The following MRPL2 variants were observed in gnomAD, a reference collection of about 807,000 sequenced individuals.
The protein encoded by MRPL2 is mitochondrial ribosomal protein L2.
MRPL2 carries 27 observed loss-of-function variants against 34.6 expected under a neutral mutation model. The observed-to-expected ratio is 0.78, with a 90% confidence interval of 0.58 to 1.08. The LOEUF (loss-of-function observed/expected upper bound fraction) is 1.08. MRPL2 is among the 50% of genes least tolerant of loss of function. MRPL2 has a pLI of 0.00. For synonymous variants in MRPL2, 155 were observed against 158.0 expected, an observed-to-expected ratio of 0.98 and a Z score of 0.14; for missense variants, 414 against 419.3, an observed-to-expected ratio of 0.99 and a Z score of 0.11.
Position 43,058,245 on chromosome 6 carries a change from A to C in MRPL2, c.97-12T>G. 6.2e-7 allele frequency: 1 copy of C among 1,612,476 alleles called. No individual in the cohort carries two copies. Among genetic ancestry groups the C allele is most frequent in the Non-Finnish European group, 8.5e-7 (1 of 1,178,782 alleles). The stretch of plus-strand genomic sequence containing the variant: ...CCATTGTTCATCATCTAGGGATAAA[A>C]AGACATCTCTTTCATTTGAAAGCTA... On this transcript the variant is annotated splice_polypyrimidine_tract_variant and intron_variant, in intron 1 of 6. Coordinates refer to ENST00000388752, the MANE Select transcript of MRPL2 (RefSeq NM_015950.5).
chr6:43,056,414 G>A lies in MRPL2; in HGVS notation c.297C>T (p.Gly99=). ...GRIRVHGIGG[G]HKQRYRMIDF... ...CAATCATTCGATAACGTTGCTTGTGGCCCCCGCCAATACCATGCACCCGGA... is the reference window on the plus strand; with the variant it reads ...CAATCATTCGATAACGTTGCTTGTGACCCCCGCCAATACCATGCACCCGGA... The change falls in exon 3 of 7, where the codon GGC becomes GGT. Residue 99 remains glycine, a synonymous_variant. Coordinates refer to ENST00000388752, the MANE Select transcript of MRPL2 (RefSeq NM_015950.5). The A allele has an allele frequency of 1.9e-6, 3 of 1,611,906 alleles. No individual in the cohort carries two copies. Among genetic ancestry groups the A allele is most frequent in the Non-Finnish European group, 2.5e-6 (3 of 1,179,162 alleles).
chr6:43,055,866 T>A, intron 5 of MRPL2, 31 bp downstream of exon 5: 1 of 1,589,452 alleles, frequency 6.3e-7, no homozygotes. Flanking sequence ...CTTTCCAAAC[T>A]ATAGGACCCA....
At chr6:43,057,680 T>A (rs764892814) in intron 2 of MRPL2, 13 of 243,522 alleles carry the variant, frequency 5.3e-5, no homozygotes, top group Non-Finnish European at 1.0e-4. Context: ...GGTTTTGCCA[T>A]GTTGGCCAGC....
At chr6:43,055,775 A>T in intron 5 of MRPL2, 122 bp downstream of exon 5, 1 of 1,156,638 alleles carries the variant, frequency 8.6e-7, no homozygotes, top group Non-Finnish European at 1.2e-6. Flanking sequence ...ACACATGCAT[A>T]TCTTCATCCT....
upstream of MRPL2, chr6:43,059,843 C>G: frequency 8.5e-7 from 1 of 1,172,898 alleles, no homozygotes; most frequent in East Asian, 4.9e-5. Context: ...CCCTCGGCGT[C>G]CAGACAGATA....
In MRPL2 at chr6:43,055,886, T is replaced by C. The variant is rs1764860714; in HGVS notation, c.631+11A>G. 1.9e-6 allele frequency: 3 copies of C among 1,607,424 alleles called. No individual in the cohort carries two copies. Among genetic ancestry groups the C allele is most frequent in the African/African-American group, 1.3e-5 (1 of 74,860 alleles). The stretch of plus-strand genomic sequence containing the variant: ...CAAACTATAGGACCCAGGCAACTCC[T>C]TTCCCCATACCTGCAGCTCGGATAT... On this transcript the variant is annotated intron_variant, in intron 5 of 6. Coordinates refer to ENST00000388752, the MANE Select transcript of MRPL2 (RefSeq NM_015950.5).
chr6:43,055,681 G>A, intron 5 of MRPL2, 63 bp from the exon 6 acceptor site: 1 of 1,573,420 alleles, frequency 6.4e-7, no homozygotes, highest in Non-Finnish European at 8.7e-7. Flanking sequence ...GACTTACACA[G>A]GGGACATACC....
At chr6:43,059,110 G>T in intron 1 of MRPL2, 176 bp downstream of exon 1, 1 of 1,528,716 alleles carries the variant, frequency 6.5e-7, no homozygotes, top group African/African-American at 1.4e-5. Context: ...GAAGAATTTC[G>T]CCCTATGAGA....
chr6:43,054,384 GCC>G lies in MRPL2; in HGVS notation c.806_807del (p.Arg269ThrfsTer2). 6.2e-7 allele frequency: 1 copy of G among 1,614,236 alleles called. No homozygotes were observed. Among genetic ancestry groups the G allele is most frequent in the South Asian group, 1.1e-5 (1 of 91,092 alleles). On this transcript the variant is annotated frameshift_variant, in exon 7 of 7. Coordinates refer to ENST00000388752, the MANE Select transcript of MRPL2 (RefSeq NM_015950.5). LOFTEE classifies it high-confidence loss of function. ...KAGRNRWLGKRPNSGRWHRKG... is the reference protein window; with the variant it reads ...KAGRNRWLGKXPNSGRWHRKG... ...TTGCGGTGCCACCGCCCACTGTTAG[GCC>G]TCTTGCCCAGCCAGCGGTTGCGACC... is the stretch of plus-strand genomic sequence containing the variant.
At chr6:43,054,577 C>G (rs1764765601) in intron 6 of MRPL2, 91 bp from the exon 7 acceptor site, 2 of 1,101,438 alleles carry the variant, frequency 1.8e-6, no homozygotes, top group Admixed American at 4.5e-5. Context: ...TTCTTAGACT[C>G]AAGGAGAGAA....
chr6:43,054,522 G>C (rs749827960), intron 6 of MRPL2, 36 bp from the exon 7 acceptor site: 58 of 1,581,382 alleles, frequency 3.7e-5, no homozygotes, highest in Middle Eastern at 1.7e-4. Flanking sequence ...CTGTACAATG[G>C]GGGGGAAAGA....
chr6:43,058,985 T>C, intron 1 of MRPL2: 1 of 713,360 alleles, frequency 1.4e-6, no homozygotes, highest in Non-Finnish European at 2.3e-6. Flanking sequence ...AAGGAGTTCA[T>C]TTATTTGAAA....
chr6:43,058,304 G>A lies in MRPL2; in HGVS notation c.97-71C>T, dbSNP rs1050886445. 143 of 1,491,720 alleles carry A rather than the reference G, an allele frequency of 9.6e-5. 1 individual carries two copies. Among genetic ancestry groups the A allele is most frequent in the Admixed American group, 6.3e-4 (35 of 55,962 alleles). The allele number at this position is 1,491,720 out of a possible 1,614,324, so 92.4% of individuals were successfully genotyped here. On this transcript the variant is annotated intron_variant, in intron 1 of 6. Transcript: ENST00000388752. ...CAAAGCATCAGAGAACCAAGGCAGAGGGCACAGATCAATTTTAGCTTGTAG... is the reference window on the plus strand; with the variant it reads ...CAAAGCATCAGAGAACCAAGGCAGAAGGCACAGATCAATTTTAGCTTGTAG...
intron 5 of MRPL2, 35 bp from the exon 6 acceptor site, chr6:43,055,653 A>G: frequency 6.2e-7 from 1 of 1,610,558 alleles, no homozygotes; most frequent in Non-Finnish European, 8.5e-7. Context: ...CCCTCCACAA[A>G]ACAGGGGGGT....
chr6:43,056,110 A>G lies in MRPL2; in HGVS notation c.491T>C (p.Leu164Ser). The G allele has an allele frequency of 6.2e-7, 1 of 1,614,198 alleles. No homozygotes were observed. ...CATTCGGCCTATGTGGTTAGAGTTCAAGATTGTATCTCCAGCCTGCATGTT... is the reference window on the plus strand; with the variant it reads ...CATTCGGCCTATGTGGTTAGAGTTCGAGATTGTATCTCCAGCCTGCATGTT... ...TENMQAGDTI[L>S]NSNHIGRMAV... The change falls in exon 4 of 7, where the codon TTG becomes TCG. Residue 164 changes from leucine (L) to serine (S), a missense_variant. Coordinates refer to ENST00000388752, the MANE Select transcript of MRPL2 (RefSeq NM_015950.5).
chr6:43,059,192 T>C (rs1294822445), intron 1 of MRPL2, 94 bp downstream of exon 1: 1 of 1,550,802 alleles, frequency 6.4e-7, no homozygotes, highest in Admixed American at 2.0e-5. Context: ...GCATGACTCC[T>C]GACCAGACTC....
At chr6:43,055,383 G>A (rs1456060891) in intron 6 of MRPL2, among the ~76,000 whole-genome samples, 162 bp downstream of exon 6, 1 of 152,002 alleles carries the variant, frequency 6.6e-6, no homozygotes, top group Non-Finnish European at 1.5e-5. Context: ...TAATTATGGT[G>A]CCAATCCGAC....
chr6:43,054,247 G>A lies in MRPL2; in HGVS notation c.*27C>T. ...CAGTAACAGATTAAAACGGGGGGGG[G>A]GGGCATTTTATTAGAGTACAGGGAT... On this transcript the variant is annotated 3_prime_UTR_variant, in exon 7 of 7. Coordinates refer to ENST00000388752, the MANE Select transcript of MRPL2 (RefSeq NM_015950.5). The A allele has an allele frequency of 3.6e-6, 5 of 1,392,436 alleles. No homozygotes were observed. The highest frequency in any genetic ancestry group is 4.9e-6 in the Non-Finnish European group (5 of 1,020,294). 86.3% of individuals were successfully genotyped at this position (1,392,436 alleles called of 1,614,324 possible). A position where few individuals can be genotyped will look rare whatever the true frequency, so the allele number is the denominator to read the frequency against.
chr6:43,058,263 G>C, intron 1 of MRPL2, 30 bp from the exon 2 acceptor site: 2 of 1,609,518 alleles, frequency 1.2e-6, no homozygotes, highest in Middle Eastern at 1.7e-4. Context: ...TCTTTCATTT[G>C]AAAGCTAATT....
Sources: allele counts gnomAD v4.1 joint callset (sites outside exome capture counted in the v4.1 genomes callset), GRCh38; gene constraint gnomAD v4.1.1; transcripts MANE v1.5; gene names NCBI Gene and HGNC (gene_info 2026-07-23, HGNC 2026-07-21).